LCORL: variants seen among roughly 807,000 people sequenced by gnomAD.
LCORL encodes the protein ligand-dependent nuclear receptor corepressor-like protein.
LCORL carries 41 observed loss-of-function variants against 141.8 expected under a neutral mutation model. The ratio of observed to expected loss-of-function variants is 0.29; its 90% CI spans 0.23 to 0.38. The LOEUF is 0.38. Ranked by LOEUF, LCORL falls within the 10% of genes least tolerant of loss-of-function variation. LCORL has a pLI of 1.00. For synonymous variants in LCORL, 618 were observed against 694.1 expected, an observed-to-expected ratio of 0.89 and a Z score of 1.72; for missense variants, 1,759 against 2,035.0, an observed-to-expected ratio of 0.86 and a Z score of 2.61.
intron 4 of LCORL, among the ~76,000 whole-genome samples, chr4:17,909,728 C>CA (rs1183362487): frequency 1.3e-5 from 2 of 151,902 alleles, no homozygotes; most frequent in East Asian, 3.9e-4. Context: ...AATTTTTATC[C>CA]TAATATACAA....
At position 17,884,465 on chromosome 4, in the gene LCORL, G is replaced by A; in HGVS notation, c.776+1603C>T. On this transcript the variant is annotated intron_variant, in intron 6 of 7. Coordinates refer to ENST00000635767, the Ensembl canonical transcript of LCORL. This position sits in a 1 kb window ranked among gnomAD's most constrained non-coding sequence, Gnocchi z 4.4. ...ACTTTTTTCTGTGCGCTCTGCTTGA[G>A]CTCTTGCCCACAAGGCTACTTTTTG... 2 of 1,549,526 alleles carry A rather than the reference G, an allele frequency of 1.3e-6. No individual in the cohort carries two copies. Among genetic ancestry groups the A allele is most frequent in the Middle Eastern group, 3.3e-4 (2 of 5,972 alleles).
chr4:17,849,772 A>G (rs983106937), intron 7 of LCORL, among the ~76,000 whole-genome samples: 1 of 152,112 alleles, frequency 6.6e-6, no homozygotes, highest in Non-Finnish European at 1.5e-5. Flanking sequence ...CAGAATTGGA[A>G]AAAACTACTT....
intron 7 of LCORL, among the ~76,000 whole-genome samples, chr4:17,857,234 T>C (rs1046105046): frequency 6.6e-6 from 1 of 150,522 alleles, no homozygotes; most frequent in Non-Finnish European, 1.5e-5. Flanking sequence ...GTGACTAGAA[T>C]CTGTGGGTTA....
At chr4:17,930,951 T>G (rs974293716) in intron 4 of LCORL, among the ~76,000 whole-genome samples, 1 of 152,206 alleles carries the variant, frequency 6.6e-6, no homozygotes, top group African/African-American at 2.4e-5. Flanking sequence ...CTTTGAAACC[T>G]TCTGAGCTTG....
At chr4:17,966,758 G>A (rs1714966117) in intron 2 of LCORL, among the ~76,000 whole-genome samples, 2 of 152,168 alleles carry the variant, frequency 1.3e-5, no homozygotes. Context: ...ATACCTGTTA[G>A]AATGGTTAAA....
At chr4:17,888,322 A>G (rs1254219303) in intron 5 of LCORL, among the ~76,000 whole-genome samples, 1 of 152,082 alleles carries the variant, frequency 6.6e-6, no homozygotes, top group Non-Finnish European at 1.5e-5. Flanking sequence ...AAATTATTAA[A>G]TACAGTTTAT....
At chr4:17,892,806 T>C (rs1729314243) in intron 5 of LCORL, among the ~76,000 whole-genome samples, 1 of 152,226 alleles carries the variant, frequency 6.6e-6, no homozygotes, top group Non-Finnish European at 1.5e-5. Flanking sequence ...AATTAAATCA[T>C]GGCTTCAAAA....
chr4:18,000,447 C>G lies in LCORL; in HGVS notation c.154+21151G>C, dbSNP rs182058747. Among the ~76,000 whole-genome samples the G allele has an allele frequency of 1.8e-3, 271 of 152,126 alleles. 1 individual carries two copies. Among genetic ancestry groups the G allele is most frequent in the African/African-American group, 6.4e-3 (264 of 41,518 alleles). ...AACTAAAATGAAGTTTAAAAATATT[C>G]CAGGAGTTGAATCAAAATTAAGAAT... is the stretch of plus-strand genomic sequence containing the variant. On this transcript the variant is annotated intron_variant, in intron 1 of 7. Transcript: ENST00000635767.
intron 4 of LCORL, among the ~76,000 whole-genome samples, chr4:17,951,224 G>A (rs558862588): frequency 6.6e-6 from 1 of 152,078 alleles, no homozygotes; most frequent in Admixed American, 6.5e-5. Flanking sequence ...TGCTATTGAC[G>A]ATCATTAATT....
chr4:17,941,106 G>A (rs1441595043), intron 4 of LCORL, among the ~76,000 whole-genome samples: 2 of 152,160 alleles, frequency 1.3e-5, no homozygotes, highest in Non-Finnish European at 2.9e-5. Context: ...GCCGGGCGCT[G>A]TGGCTCACGC....
intron 1 of LCORL, among the ~76,000 whole-genome samples, chr4:17,999,017 T>C (rs868271938): frequency 0.016 from 2,016 of 123,482 alleles, 70 homozygotes; most frequent in East Asian, 0.13. Flanking sequence ...CACATATATA[T>C]ATATATATAT....
chr4:17,985,646 T>G (rs1332472584), intron 1 of LCORL, among the ~76,000 whole-genome samples: 1 of 152,180 alleles, frequency 6.6e-6, no homozygotes, highest in Non-Finnish European at 1.5e-5. Context: ...ATTTTCAGCC[T>G]ATGGGTGTCA....
chr4:17,881,215 A>T (rs1260494706), intron 6 of LCORL: 4 of 982,268 alleles, frequency 4.1e-6, no homozygotes, highest in Non-Finnish European at 4.8e-6. Context: ...AAAGCACATA[A>T]GGGTTGCTTT....
rs1369019506 is a variant in LCORL at position 18,021,758 on chromosome 4, C to G, written c.-7G>C. The G allele has an allele frequency of 6.7e-7, 1 of 1,489,140 alleles. No individual in the cohort carries two copies. The highest frequency in any genetic ancestry group is 8.9e-7 in the Non-Finnish European group (1 of 1,124,528). 92.2% of individuals were successfully genotyped at this position (1,489,140 alleles called of 1,614,324 possible). A position where few individuals can be genotyped will look rare whatever the true frequency, so the allele number is the denominator to read the frequency against. ...TCTCTCTTCCCTTGTCCATCTGCGT[C>G]CCGCGTCACGCGCCCTCATTTACAT... On this transcript the variant is annotated 5_prime_UTR_variant, in exon 1 of 8. Transcript: ENST00000635767. The surrounding 1 kb of genome is among the most constrained non-coding windows in gnomAD (Gnocchi z 5.5).
At chr4:17,987,288 A>G (rs1719144809) in intron 1 of LCORL, among the ~76,000 whole-genome samples, 1 of 152,146 alleles carries the variant, frequency 6.6e-6, no homozygotes, top group Non-Finnish European at 1.5e-5. Context: ...GCCTTTTCTG[A>G]TATTACATAT....
chr4:17,912,105 G>A (rs1732647073), intron 4 of LCORL: 3 of 758,822 alleles, frequency 4.0e-6, no homozygotes, highest in African/African-American at 3.4e-5. Flanking sequence ...CCAAGGACGT[G>A]AGGGCTCAAA....
chr4:17,999,550 G>A (rs564188131), intron 1 of LCORL, among the ~76,000 whole-genome samples: 15 of 152,064 alleles, frequency 9.9e-5, no homozygotes, highest in Non-Finnish European at 1.8e-4. Flanking sequence ...CTTATATGTG[G>A]TCTGTTGTTG....
intron 7 of LCORL, among the ~76,000 whole-genome samples, chr4:17,854,093 G>C (rs188474035): frequency 1.8e-4 from 27 of 152,144 alleles, no homozygotes; most frequent in African/African-American, 6.5e-4. Flanking sequence ...ATTTGATAAC[G>C]GTCTTTAGGG....
intron 4 of LCORL, chr4:17,912,145 A>G (rs1732658593): frequency 2.0e-6 from 2 of 998,682 alleles, no homozygotes; most frequent in Non-Finnish European, 3.2e-6. Context: ...CAATGCCCGC[A>G]TTGTTCTGCA....
Sources: allele counts gnomAD v4.1 joint callset (sites outside exome capture counted in the v4.1 genomes callset), GRCh38; gene constraint gnomAD v4.1.1; non-coding constraint Gnocchi (gnomAD v3.1); transcripts MANE v1.5; gene names NCBI Gene and HGNC (gene_info 2026-07-23, HGNC 2026-07-21).